Variants in ADH1A observed in about 807,000 individuals in gnomAD.
The protein encoded by ADH1A is alcohol dehydrogenase 1A (class I), alpha polypeptide.
In ADH1A, 29 loss-of-function variants were observed where a neutral mutation model predicts 35.2. The observed-to-expected ratio is 0.82, with a 90% confidence interval of 0.61 to 1.12. The LOEUF (loss-of-function observed/expected upper bound fraction) is 1.12, where lower values mean the gene tolerates loss of function less well. Among genes scored for constraint, ADH1A ranks in the 50% most tolerant of loss-of-function variants. The pLI, the probability that ADH1A is intolerant of heterozygous loss-of-function variation, is 0.00. For synonymous variants in ADH1A, 147 were observed against 164.8 expected (o/e 0.89, Z 0.83); for missense variants, 469 against 464.7 (o/e 1.01, Z -0.09).
rs757042207 is a variant in ADH1A at position 99,284,606 on chromosome 4, A to G, written c.360T>C (p.Pro120=). ...NYCLKNDVSN[P]QGTLQDGTSR... ...TGGTGCCATCCTGCAGGGTCCCCTG[A>G]GGATTGCTTACACTGGACAGTGCAA... The change falls in exon 5 of 9, where the codon CCT becomes CCC. Residue 120 remains proline, a synonymous_variant. Transcript: ENST00000209668. The G allele has an allele frequency of 6.2e-6, 10 of 1,614,118 alleles. No individual in the cohort carries two copies. The South Asian group carries it at 1.1e-4, about 18-fold the overall frequency.
Position 99,284,409 on chromosome 4 carries a change from T to C in ADH1A, c.557A>G (p.Asn186Ser), listed in dbSNP as rs774913626. 3 of 1,614,152 alleles carry C rather than the reference T, an allele frequency of 1.9e-6. No homozygotes were observed. Among genetic ancestry groups the C allele is most frequent in the South Asian group, 1.1e-5 (1 of 91,082 alleles). Residue 186 changes from asparagine (N) to serine (S), a missense_variant, in exon 5 of 9, where the codon AAT (asparagine) becomes AGT (serine). Coordinates refer to ENST00000209668, the MANE Select transcript of ADH1A (RefSeq NM_000667.4). The stretch of plus-strand genomic sequence containing the variant: ...CATTGCCATTCTTACCTTGGCAACA[T>C]TGACTGCAGACCCATAACCAGTTGA... ...GFSTGYGSAV[N>S]VAKVTPGSTC... is the part of the protein sequence containing the mutation.
In ADH1A at chr4:99,290,972, C is replaced by T. The variant is rs906173096; in HGVS notation, c.-58G>A. 1.3e-6 allele frequency: 2 copies of T among 1,594,482 alleles called. No homozygotes were observed. The highest frequency in any genetic ancestry group is 1.3e-5 in the African/African-American group (1 of 74,454). ...TGGTGAGTCCTTGTGGATTTCTTCC[C>T]TGCTCAAGTGCATAAAGCAGGTGTA... On this transcript the variant is annotated 5_prime_UTR_variant, in exon 1 of 9. Coordinates refer to ENST00000209668, the MANE Select transcript of ADH1A (RefSeq NM_000667.4).
intron 3 of ADH1A, among the ~76,000 whole-genome samples, chr4:99,285,494 T>C (rs1733125113): frequency 6.6e-6 from 1 of 152,152 alleles, no homozygotes; most frequent in Admixed American, 6.6e-5. Flanking sequence ...CCTGTTACAG[T>C]GGAGGGAGCA....
intron 1 of ADH1A, 37 bp from the exon 2 acceptor site, chr4:99,287,702 C>G: frequency 6.2e-7 from 1 of 1,606,004 alleles, no homozygotes; most frequent in Non-Finnish European, 8.5e-7. Context: ...CCAGTGTTCT[C>G]CCACGCTTGC....
At chr4:99,279,622 A>G in intron 7 of ADH1A, 58 bp from the exon 8 acceptor site, 2 of 1,553,522 alleles carry the variant, frequency 1.3e-6, no homozygotes, top group Non-Finnish European at 8.7e-7. Context: ...AGAATTGAAG[A>G]GAAGATTTTC....
In ADH1A at chr4:99,284,770, C is replaced by T. The variant is rs1469092908; in HGVS notation, c.293G>A (p.Cys98Tyr). 2 of 1,614,196 alleles carry T rather than the reference C, an allele frequency of 1.2e-6. No individual in the cohort carries two copies. The highest frequency in any genetic ancestry group is 1.7e-6 in the Non-Finnish European group (2 of 1,180,030). The change falls in exon 4 of 9, where the codon TGT (cysteine) becomes TAT (tyrosine). Residue 98 changes from cysteine to tyrosine, a missense_variant. Cys to Tyr is a radical substitution (Grantham distance 194). Transcript: ENST00000209668. ...DKVIPLAIPQCGKCRICKNPE... is the reference protein window; with the variant it reads ...DKVIPLAIPQYGKCRICKNPE... ...GTTTTTACAAATTCTGCATTTTCCA[C>T]ACTGAGGAATAGCGAGTGGGATGAC... is the stretch of plus-strand genomic sequence containing the variant.
chr4:99,290,855 T>C, intron 1 of ADH1A, 42 bp downstream of exon 1: 1 of 1,580,742 alleles, frequency 6.3e-7, no homozygotes, highest in Non-Finnish European at 8.7e-7. Context: ...TTTGTTATAT[T>C]GATGAGAATA....
At chr4:99,284,335 T>A in intron 5 of ADH1A, 64 bp downstream of exon 5, 1 of 1,516,602 alleles carries the variant, frequency 6.6e-7, no homozygotes, top group Non-Finnish European at 9.1e-7. Flanking sequence ...TGTGAGACAT[T>A]CCTTCCCTTT....
intron 7 of ADH1A, 110 bp downstream of exon 7, chr4:99,280,034 G>A (rs976503414): frequency 1.3e-6 from 2 of 1,483,898 alleles, no homozygotes; most frequent in Admixed American, 3.5e-5. Context: ...AGATAGAAAA[G>A]GAATTTTAAT....
In ADH1A at chr4:99,277,933, A is replaced by AT. The variant is rs1409323143; in HGVS notation, c.1104-1286dup. Among the ~76,000 whole-genome samples, 6 of 151,938 alleles carry AT rather than the reference A, an allele frequency of 3.9e-5. No individual in the cohort carries two copies. In the East Asian group the frequency reaches 7.7e-4, roughly 20 times the overall value. ...ATGGAATTGCTGGAACAAAAGATCC[A>AT]TTTTTTTTAAGGGTTTCTGATACAT... On this transcript the variant is annotated intron_variant, in intron 8 of 8. Transcript: ENST00000209668.
At chr4:99,280,617 T>C (rs1732980127) in intron 6 of ADH1A, among the ~76,000 whole-genome samples, 1 of 152,238 alleles carries the variant, frequency 6.6e-6, no homozygotes, top group African/African-American at 2.4e-5. Context: ...TCTTAGGCAA[T>C]CTGTGAGTTG....
At chr4:99,281,430 T>A (rs1201589881) in intron 6 of ADH1A, among the ~76,000 whole-genome samples, 1 of 152,134 alleles carries the variant, frequency 6.6e-6, no homozygotes, top group East Asian at 1.9e-4. Flanking sequence ...AGATTGGAAA[T>A]AGTATTTCAT....
intron 6 of ADH1A, chr4:99,281,698 C>T (rs1733005293): frequency 6.4e-6 from 1 of 156,784 alleles, no homozygotes; most frequent in Non-Finnish European, 1.4e-5. Context: ...AATCTATAAA[C>T]AATGCCATGA....
chr4:99,276,714 G>A, intron 8 of ADH1A, 66 bp from the exon 9 acceptor site: 2 of 1,452,674 alleles, frequency 1.4e-6, no homozygotes, highest in African/African-American at 1.4e-5. Context: ...AGTCCAAGGA[G>A]CATTTGAAAT....
intron 6 of ADH1A, among the ~76,000 whole-genome samples, chr4:99,281,527 G>A (rs1189439238): frequency 6.6e-6 from 1 of 152,130 alleles, no homozygotes; most frequent in African/African-American, 2.4e-5. Flanking sequence ...ATTTGCTTGA[G>A]CCCAGGAGGT....
At position 99,280,193 on chromosome 4, in the gene ADH1A, G is replaced by T; in HGVS notation, c.915C>A (p.Asn305Lys). 7 of 1,613,818 alleles carry T rather than the reference G, an allele frequency of 4.3e-6. No individual in the cohort carries two copies. Among genetic ancestry groups the T allele is most frequent in the Non-Finnish European group, 5.9e-6 (7 of 1,179,862 alleles). The stretch of plus-strand genomic sequence containing the variant: ...TACGTCCAGTCAGTAGCAGCATAGG[G>T]TTCATTGAGAGGTTTTGGGAATCAG... ...VPPDSQNLSM[N>K]PMLLLTGRTW... is the part of the protein sequence containing the mutation. The change falls in exon 7 of 9, where the codon AAC becomes AAA. Residue 305 changes from asparagine (N) to lysine (K), a missense_variant. Asn to Lys is a moderately conservative substitution (Grantham distance 94). Coordinates refer to ENST00000209668, the MANE Select transcript of ADH1A (RefSeq NM_000667.4).
chr4:99,286,021 CAA>C (rs397938892), intron 3 of ADH1A, among the ~76,000 whole-genome samples: 245 of 85,246 alleles, frequency 2.9e-3, no homozygotes, highest in South Asian at 3.8e-3. Context: ...GACTCCGTCT[CAA>C]AAAAAAAAAA....
At chr4:99,277,388 A>G (rs1223404507) in intron 8 of ADH1A, among the ~76,000 whole-genome samples, 2 of 152,104 alleles carry the variant, frequency 1.3e-5, no homozygotes, top group African/African-American at 4.8e-5. Flanking sequence ...TGCCCTTTCT[A>G]TAAACCAACT....
chr4:99,278,246 TCAATGATAATGATGA>T (rs1722310754), intron 8 of ADH1A, among the ~76,000 whole-genome samples: 2 of 152,132 alleles, frequency 1.3e-5, no homozygotes, highest in South Asian at 4.1e-4. Context: ...GATGATGATG[TCAATGATAATGATGA>T]CAATGATAAC....
Sources: gnomAD v4.1 joint callset for allele counts (sites outside exome capture counted in the v4.1 genomes callset) on GRCh38, gnomAD v4.1.1 for gene constraint, MANE v1.5 for transcripts, NCBI Gene and HGNC (gene_info 2026-07-23, HGNC 2026-07-21) for gene names.